Variants in GRIPAP1 observed in about 807,000 individuals in gnomAD.
GRIPAP1 encodes the protein GRIP1 associated protein 1.
GRIPAP1 carries 14 observed loss-of-function variants against 84.1 expected under a neutral mutation model. The observed-to-expected ratio is 0.17, with a 90% CI of 0.11 to 0.26. The LOEUF (loss-of-function observed/expected upper bound fraction) is 0.26. Among genes scored for constraint, GRIPAP1 ranks in the 10% least tolerant of loss-of-function variants. The pLI is 1.00. For missense variants in GRIPAP1, 518 were observed against 674.2 expected (o/e 0.77, Z 2.57); for synonymous variants, 261 against 256.8 (o/e 1.02, Z -0.15).
intron 24 of GRIPAP1, 120 bp downstream of exon 24, chrX:48,975,898 G>T: frequency 1.8e-6 from 1 of 553,559 alleles, no homozygotes; most frequent in Non-Finnish European, 3.1e-6. Flanking sequence ...CACAGGCCAT[G>T]GTCTTGTCAG....
At position 48,976,377 on chromosome X, in the gene GRIPAP1, A is replaced by C. The variant is rs188462457; in HGVS notation, c.2062-14T>G. On this transcript the variant is annotated splice_polypyrimidine_tract_variant and intron_variant, in intron 22 of 25. Coordinates refer to ENST00000376423, the MANE Select transcript of GRIPAP1 (RefSeq NM_020137.5). ...GCTGGATAAGGACTGCAGGAAAGAG[A>C]AGGGGAGAGGCCAGCCCCGGGCTCA... The C allele has an allele frequency of 8.4e-7, 1 of 1,194,547 alleles. No individual in the cohort carries two copies. Among genetic ancestry groups the C allele is most frequent in the African/African-American group, 1.7e-5 (1 of 57,518 alleles).
chrX:48,985,205 G>GGTAA, intron 14 of GRIPAP1, 63 bp downstream of exon 14: 1 of 1,052,017 alleles, frequency 9.5e-7, no homozygotes, highest in Non-Finnish European at 1.3e-6. Context: ...CCACCTTACT[G>GGTAA]GGGACTTCAC....
chrX:48,995,023 A>G (rs1228642898), intron 5 of GRIPAP1, among the ~76,000 whole-genome samples: 1 of 112,255 alleles, frequency 8.9e-6, no homozygotes, highest in African/African-American at 3.2e-5. Flanking sequence ...CCAAGAGTGG[A>G]GATCATTCTG....
rs1027153564 is a variant in GRIPAP1, at chrX:48,995,785, C to T, written c.306+1465G>A. On this transcript the variant is annotated intron_variant, in intron 5 of 25. Coordinates refer to ENST00000376423, the MANE Select transcript of GRIPAP1 (RefSeq NM_020137.5). ...TAATTTTTTGTATTTTTAGTAGAGACGGGGTTTTACCACGTTAGCCAGGAT... is the reference window on the plus strand; with the variant it reads ...TAATTTTTTGTATTTTTAGTAGAGATGGGGTTTTACCACGTTAGCCAGGAT... Among the ~76,000 whole-genome samples, 13 of 109,851 alleles carry T rather than the reference C, an allele frequency of 1.2e-4. No homozygotes were observed. In the South Asian group the frequency reaches 1.6e-3, roughly 13 times the overall value.
intron 22 of GRIPAP1, chrX:48,977,700 T>A (rs1209296330): frequency 9.1e-6 from 1 of 110,025 alleles, no homozygotes; most frequent in East Asian, 2.8e-4. Context: ...GGTTTTTTTG[T>A]TTTTGTTTTT....
chrX:48,978,366 A>G lies in GRIPAP1; in HGVS notation c.2000T>C (p.Ile667Thr), dbSNP rs1557061032. ...GATCTCCCGGTAGCTGAAGGAGGAG[A>G]TGCTACTGCTGTCCCCTGTCTGGGT... Reference protein sequence around the residue: ...SRTQTGDSSSISSFSYREILR... With the variant: ...SRTQTGDSSSTSSFSYREILR... Residue 667 changes from isoleucine to threonine, a missense_variant, in exon 22 of 26, where the codon ATC (isoleucine) becomes ACC (threonine). Coordinates refer to ENST00000376423, the MANE Select transcript of GRIPAP1 (RefSeq NM_020137.5). 8.3e-7 allele frequency: 1 copy of G among 1,207,554 alleles called. No homozygotes were observed. The highest frequency in any genetic ancestry group is 1.8e-5 in the South Asian group (1 of 56,386).
At chrX:48,975,535 G>A (rs1158537907) in intron 24 of GRIPAP1, 4 of 391,578 alleles carry the variant, frequency 1.0e-5, no homozygotes, top group Non-Finnish European at 1.3e-5. Context: ...AGATGCACAT[G>A]ACTGTATGTG....
Position 48,998,250 on chromosome X carries a change from C to T in GRIPAP1, c.172-70G>A, listed in dbSNP as rs193226456. 12 of 766,308 alleles carry T rather than the reference C, an allele frequency of 1.6e-5. No homozygotes were observed. In the African/African-American group the frequency reaches 2.5e-4, roughly 16 times the overall value. 63.2% of individuals were successfully genotyped at this position (766,308 alleles called of 1,213,427 possible). On this transcript the variant is annotated intron_variant, in intron 3 of 25. Transcript: ENST00000376423. The stretch of plus-strand genomic sequence containing the variant: ...GGACTGCCTTACTAGGATATGGAGA[C>T]AATTGTGCCAAGCGTTTTGGGAGGA...
In GRIPAP1 at chrX:48,993,600, G is replaced by A. The variant is rs182761499; in HGVS notation, c.307-22C>T. 6 of 1,071,876 alleles carry A rather than the reference G, an allele frequency of 5.6e-6. No homozygotes were observed. The African/African-American group carries it at 1.1e-4, about 20-fold the overall frequency. 88.3% of individuals were successfully genotyped at this position (1,071,876 alleles called of 1,213,427 possible). ...AGAGCTGAACAGAGGAAGAGAAGGG[G>A]CAGAGAAGCAGAGAATCAGAGCAGT... On this transcript the variant is annotated intron_variant, in intron 5 of 25. Coordinates refer to ENST00000376423, the MANE Select transcript of GRIPAP1 (RefSeq NM_020137.5).
In GRIPAP1 at chrX:48,989,819, C is replaced by A; in HGVS notation, c.770+16G>T. On this transcript the variant is annotated intron_variant, in intron 10 of 25. Coordinates refer to ENST00000376423, the MANE Select transcript of GRIPAP1 (RefSeq NM_020137.5). ...TGTCCCAATTGTCCACCAATACCCG[C>A]AAATCTGGCAGTTACCTGCTGTCAT... The A allele has an allele frequency of 1.7e-6, 2 of 1,203,213 alleles. No individual in the cohort carries two copies. Among genetic ancestry groups the A allele is most frequent in the Non-Finnish European group, 2.3e-6 (2 of 887,917 alleles).
At chrX:48,989,117 G>A (rs782330699) in intron 11 of GRIPAP1, among the ~76,000 whole-genome samples, 11 of 111,058 alleles carry the variant, frequency 9.9e-5, no homozygotes, top group Non-Finnish European at 1.3e-4. Flanking sequence ...CCAAGCCAGC[G>A]CCCAGATCCT....
intron 20 of GRIPAP1, 26 bp downstream of exon 20, chrX:48,981,390 C>A: frequency 8.3e-7 from 1 of 1,204,002 alleles, no homozygotes. Context: ...AGGAGGGAGC[C>A]GTGCTTGGGC....
chrX:48,989,659 C>T lies in GRIPAP1; in HGVS notation c.822G>A (p.Gln274=). The change falls in exon 11 of 26, where the codon CAG becomes CAA. Residue 274 remains glutamine (Q), a synonymous_variant. Transcript: ENST00000376423. ...QQRKEADHKA[Q]LARTQKLQQE... ...GCTGCAGCTTCTGGGTTCGAGCCAA[C>T]TGGGCTTTGTGATCAGCTTCCTTCC... 1 of 1,208,216 alleles carries T rather than the reference C, an allele frequency of 8.3e-7. No homozygotes were observed. Among genetic ancestry groups the T allele is most frequent in the South Asian group, 1.8e-5 (1 of 56,906 alleles).
chrX:48,995,270 C>A (rs2064541494), intron 5 of GRIPAP1, among the ~76,000 whole-genome samples: 1 of 111,700 alleles, frequency 9.0e-6, no homozygotes, highest in Admixed American at 9.6e-5. Context: ...GGGAAACAAG[C>A]TGGATTTATG....
chrX:48,998,388 G>A (rs1443647415), intron 3 of GRIPAP1, among the ~76,000 whole-genome samples: 1 of 112,435 alleles, frequency 8.9e-6, no homozygotes, highest in African/African-American at 3.2e-5. Flanking sequence ...ATGAATGCAA[G>A]TCTTGCCCTG....
intron 3 of GRIPAP1, 173 bp downstream of exon 3, chrX:48,999,064 AG>A (rs1440720439): frequency 8.0e-6 from 3 of 374,310 alleles, no homozygotes; most frequent in Non-Finnish European, 1.4e-5. Context: ...AAGCAGGATT[AG>A]GTAAAATTAG....
intron 5 of GRIPAP1, among the ~76,000 whole-genome samples, chrX:48,996,466 T>C (rs1557066761): frequency 1.8e-5 from 2 of 111,816 alleles, no homozygotes; most frequent in African/African-American, 6.5e-5. Context: ...CCATGTCATT[T>C]TCTCTCATCT....
chrX:48,997,182 G>C, intron 5 of GRIPAP1, 68 bp downstream of exon 5: 1 of 609,328 alleles, frequency 1.6e-6, no homozygotes, highest in Non-Finnish European at 2.7e-6. Flanking sequence ...ACTCTCTGCC[G>C]CTGTTAGGTT....
At chrX:49,001,800 A>G (rs1306747647) in intron 1 of GRIPAP1, among the ~76,000 whole-genome samples, 2 of 110,265 alleles carry the variant, frequency 1.8e-5, no homozygotes, top group Non-Finnish European at 3.8e-5. Flanking sequence ...CCATGACGCA[A>G]ACGACCCAAC....
Sources: gnomAD v4.1 joint callset for allele counts (sites outside exome capture counted in the v4.1 genomes callset) on GRCh38, gnomAD v4.1.1 for gene constraint, MANE v1.5 for transcripts, NCBI Gene and HGNC (gene_info 2026-07-23, HGNC 2026-07-21) for gene names.